Variants in RPTOR observed in about 807,000 individuals in gnomAD.
RPTOR encodes regulatory-associated protein of mTOR.
RPTOR carries 21 observed loss-of-function variants against 169.9 expected under a neutral mutation model. The observed-to-expected ratio is 0.12, with a 90% CI of 0.09 to 0.18. RPTOR has a LOEUF of 0.18. Among genes scored for constraint, RPTOR ranks in the 10% least tolerant of loss-of-function variants. RPTOR has a pLI of 1.00. For missense variants in RPTOR, 1,133 were observed against 1,855.9 expected (o/e 0.61, Z 7.16); for synonymous variants, 732 against 753.2 (o/e 0.97, Z 0.46).
intron 6 of RPTOR, among the ~76,000 whole-genome samples, chr17:80,770,718 A>G (rs182259828): frequency 5.3e-5 from 8 of 152,268 alleles, no homozygotes; most frequent in African/African-American, 1.9e-4. Context: ...TGCAATTCCT[A>G]CTTACCCGCC....
chr17:80,912,991 C>T (rs979211920), intron 21 of RPTOR, among the ~76,000 whole-genome samples: 1 of 152,038 alleles, frequency 6.6e-6, no homozygotes, highest in Non-Finnish European at 1.5e-5. Context: ...GCAGCATGAG[C>T]TTGTGTGTGT....
chr17:80,682,562 C>T (rs1340136463), intron 3 of RPTOR, among the ~76,000 whole-genome samples: 1 of 152,214 alleles, frequency 6.6e-6, no homozygotes, highest in Non-Finnish European at 1.5e-5. Flanking sequence ...GATGTGGCCA[C>T]AGGCCAAGGA....
At chr17:80,916,851 G>A (rs2068679287) in intron 21 of RPTOR, among the ~76,000 whole-genome samples, 1 of 152,112 alleles carries the variant, frequency 6.6e-6, no homozygotes, top group African/African-American at 2.4e-5. Context: ...AGCTAGGTGT[G>A]GTGATGCACT....
chr17:80,950,207 T>C (rs142267944), intron 28 of RPTOR, among the ~76,000 whole-genome samples: 48 of 152,324 alleles, frequency 3.2e-4, no homozygotes, highest in Non-Finnish European at 6.3e-4. Context: ...GAGTCATCGC[T>C]CTTCAGCGGA....
At position 80,957,876 on chromosome 17, in the gene RPTOR, A is replaced by G. The variant is rs963666496; in HGVS notation, c.3477+146A>G. On this transcript the variant is annotated intron_variant, in intron 29 of 33. Transcript: ENST00000306801. The surrounding 1 kb of genome is among the most constrained non-coding windows in gnomAD (Gnocchi z 4.6). ...GGCCTGGGAGGACAGTGCCGGGACA[A>G]TGCTGGGAGGAGACGTGGGCTCCCT... The G allele has an allele frequency of 9.8e-6, 7 of 712,990 alleles. No individual in the cohort carries two copies. Among genetic ancestry groups the G allele is most frequent in the South Asian group, 6.8e-5 (4 of 59,114 alleles). 44.2% of individuals were successfully genotyped at this position (712,990 alleles called of 1,614,324 possible).
chr17:80,807,229 TA>T (rs1212993097), intron 7 of RPTOR, among the ~76,000 whole-genome samples: 4 of 152,256 alleles, frequency 2.6e-5, no homozygotes, highest in Admixed American at 1.3e-4. Flanking sequence ...TGGTTTTAAT[TA>T]AAGTATTTAG....
At chr17:80,921,545 C>T (rs1042798267) in intron 21 of RPTOR, among the ~76,000 whole-genome samples, 5 of 152,204 alleles carry the variant, frequency 3.3e-5, no homozygotes, top group South Asian at 2.1e-4. Flanking sequence ...TCACTAACGC[C>T]GACAGCTGGT....
chr17:80,641,106 C>A (rs1394982841), intron 2 of RPTOR, among the ~76,000 whole-genome samples: 1 of 152,216 alleles, frequency 6.6e-6, no homozygotes, highest in East Asian at 1.9e-4. Flanking sequence ...TTTCAGATCC[C>A]AATCCAATCC....
Position 80,775,180 on chromosome 17 carries a change from T to C in RPTOR, c.831-16270T>C, listed in dbSNP as rs548263202. 6.6e-5 allele frequency among the ~76,000 whole-genome samples: 10 copies of C among 152,354 alleles called. No individual in the cohort carries two copies. In the East Asian group the frequency reaches 1.9e-3, roughly 29 times the overall value. ...GATGGGAAAGCCTTTTCTGCAGGGCTTTTACTCCCACTTCCTTCTTGTTTT... is the reference window on the plus strand; with the variant it reads ...GATGGGAAAGCCTTTTCTGCAGGGCCTTTACTCCCACTTCCTTCTTGTTTT... On this transcript the variant is annotated intron_variant, in intron 6 of 33. Transcript: ENST00000306801.
At chr17:80,733,056 G>C (rs1166339126) in intron 5 of RPTOR, among the ~76,000 whole-genome samples, 1 of 152,180 alleles carries the variant, frequency 6.6e-6, no homozygotes, top group East Asian at 1.9e-4. Flanking sequence ...AAATATGAGT[G>C]ACATAAATTT....
intron 19 of RPTOR, 67 bp downstream of exon 19, chr17:80,892,936 T>A (rs1001789193): frequency 6.4e-7 from 1 of 1,564,530 alleles, no homozygotes; most frequent in African/African-American, 1.4e-5. Flanking sequence ...AAACACTGTA[T>A]CTGAGTAAGC....
At chr17:80,837,844 C>G (rs1485769444) in intron 9 of RPTOR, 78 bp from the exon 10 acceptor site, 3 of 1,367,738 alleles carry the variant, frequency 2.2e-6, no homozygotes, top group Non-Finnish European at 3.1e-6. Context: ...TCAGCCGGCT[C>G]CTCCTGTGCC....
chr17:80,645,705 G>A (rs77957187), intron 3 of RPTOR, among the ~76,000 whole-genome samples: 9,860 of 152,114 alleles, frequency 0.065, 1,061 homozygotes, highest in African/African-American at 0.23. Context: ...TTCTGTCTAC[G>A]AGCAGATCTC....
intron 6 of RPTOR, among the ~76,000 whole-genome samples, chr17:80,765,142 C>T (rs899201325): frequency 1.3e-5 from 2 of 152,326 alleles, no homozygotes; most frequent in African/African-American, 2.4e-5. Flanking sequence ...GGCAGCCCTA[C>T]GCTGTCCGTC....
At chr17:80,884,968 C>A (rs1191673822) in intron 16 of RPTOR, 40 bp from the exon 17 acceptor site, 1 of 1,589,304 alleles carries the variant, frequency 6.3e-7, no homozygotes, top group Admixed American at 1.8e-5. Context: ...GCAGCATGGC[C>A]CGGTGTGGGA....
rs1273872132 is a variant in RPTOR, at chr17:80,960,513, G to T, written c.3605+308G>T. ...GCAGAGGCTGTCGGGGTGAGGCAGG[G>T]CCGCAGCCAGGCACCTGCCACCTCT... is the stretch of plus-strand genomic sequence containing the variant. On this transcript the variant is annotated intron_variant, in intron 30 of 33. Coordinates refer to ENST00000306801, the MANE Select transcript of RPTOR (RefSeq NM_020761.3). The surrounding 1 kb of genome is among the most constrained non-coding windows in gnomAD (Gnocchi z 4.8). Among the ~76,000 whole-genome samples, 1 of 152,206 alleles carries T rather than the reference G, an allele frequency of 6.6e-6. No homozygotes were observed. Among genetic ancestry groups the T allele is most frequent in the Non-Finnish European group, 1.5e-5 (1 of 68,028 alleles).
intron 3 of RPTOR, among the ~76,000 whole-genome samples, chr17:80,656,228 A>G (rs1478756718): frequency 6.6e-6 from 1 of 152,002 alleles, no homozygotes; most frequent in African/African-American, 2.4e-5. Flanking sequence ...GTGCCACCAC[A>G]CCCGGCTAAT....
In RPTOR at chr17:80,964,280, A is replaced by G; in HGVS notation, c.3958A>G (p.Ser1320Gly). 1 of 1,607,882 alleles carries G rather than the reference A, an allele frequency of 6.2e-7. No homozygotes were observed. The highest frequency in any genetic ancestry group is 8.5e-7 in the Non-Finnish European group (1 of 1,179,688). Residue 1320 changes from serine (S) to glycine (G), a missense_variant, in exon 34 of 34, where the codon AGC (serine) becomes GGC (glycine). By Grantham distance (56) the Ser-to-Gly change is moderately conservative (BLOSUM62 0). Around this residue, in one of 9 missense-constraint regions of RPTOR, gnomAD observed 410 missense variants for 623.7 expected, o/e 0.66. Transcript: ENST00000306801. ...HPHWPHLAVGSNDYYISVYSV... is the reference protein window; with the variant it reads ...HPHWPHLAVGGNDYYISVYSV... ...CTTGCAGCCTCACCTGGCCGTGGGA[A>G]GCAACGACTACTACATCTCCGTGTA... is the stretch of plus-strand genomic sequence containing the variant.
intron 3 of RPTOR, among the ~76,000 whole-genome samples, chr17:80,657,801 TACACTGTGTATCTGGGGTTAAATCC>T (rs1225409711): frequency 5.3e-5 from 8 of 152,348 alleles, no homozygotes; most frequent in Admixed American, 2.0e-4. Flanking sequence ...TAGTTATTGA[TACACTGTGTATCTGGGGTTAAATCC>T]ACCACCCTCC....
Sources: gnomAD v4.1 joint callset for allele counts (sites outside exome capture counted in the v4.1 genomes callset) on GRCh38, gnomAD v4.1.1 for gene constraint, gnomAD v4.1.1 regional missense constraint, Gnocchi (gnomAD v3.1) non-coding constraint, MANE v1.5 for transcripts, NCBI Gene and HGNC (gene_info 2026-07-23, HGNC 2026-07-21) for gene names.